ORC5: variants seen among roughly 807,000 people sequenced by gnomAD.
ORC5 encodes the protein origin recognition complex subunit 5, also known as protein phosphatase 1, regulatory subunit 117.
In ORC5, 39 loss-of-function variants were observed where a neutral mutation model predicts 58.8. That is an observed-to-expected ratio of 0.66 (90% CI 0.51 to 0.87). The LOEUF is 0.87. Ranked by LOEUF, ORC5 falls within the 40% of genes least tolerant of loss-of-function variation. The pLI is 0.00. For missense variants in ORC5, 493 were observed against 506.3 expected, an observed-to-expected ratio of 0.97 and a Z score of 0.25; for synonymous variants, 218 against 177.6, an observed-to-expected ratio of 1.23 and a Z score of -1.81.
chr7:104,168,166 G>A (rs1799139205), intron 9 of ORC5: 2 of 619,158 alleles, frequency 3.2e-6, no homozygotes, highest in Non-Finnish European at 4.4e-6. Context: ...AACATAATGA[G>A]ATAAAACTGT....
intron 6 of ORC5, among the ~76,000 whole-genome samples, chr7:104,186,394 A>G (rs7781808): frequency 0.044 from 6,774 of 152,230 alleles, 495 homozygotes; most frequent in African/African-American, 0.15. Context: ...CAATCCCCCA[A>G]GTATACCAAG....
chr7:104,184,705 G>C (rs1799507489), intron 6 of ORC5, among the ~76,000 whole-genome samples: 1 of 152,084 alleles, frequency 6.6e-6, no homozygotes, highest in Admixed American at 6.5e-5. Flanking sequence ...TTTTGTGAGG[G>C]AGATTTGCAT....
chr7:104,154,704 A>G (rs1562809640), intron 12 of ORC5, among the ~76,000 whole-genome samples: 1 of 151,946 alleles, frequency 6.6e-6, no homozygotes, highest in East Asian at 1.9e-4. Flanking sequence ...GAAAAAAAAT[A>G]AACACTGACT....
intron 13 of ORC5, among the ~76,000 whole-genome samples, chr7:104,131,153 G>A (rs1470037399): frequency 3.9e-5 from 6 of 152,014 alleles, no homozygotes; most frequent in Non-Finnish European, 8.8e-5. Flanking sequence ...ATTCCCCATG[G>A]CAGCTATTTC....
intron 13 of ORC5, among the ~76,000 whole-genome samples, chr7:104,128,775 G>A (rs194840): frequency 0.33 from 48,525 of 147,038 alleles, 8,685 homozygotes; most frequent in East Asian, 0.53. Context: ...TTTTAACCAC[G>A]GACAGAAAAG....
chr7:104,143,128 T>C (rs1798700930), intron 12 of ORC5, among the ~76,000 whole-genome samples: 1 of 152,064 alleles, frequency 6.6e-6, no homozygotes. Context: ...CATTGAACTC[T>C]ATTATTAAAG....
intron 8 of ORC5, among the ~76,000 whole-genome samples, chr7:104,183,124 A>T (rs765885161): frequency 6.6e-6 from 1 of 152,178 alleles, no homozygotes; most frequent in Non-Finnish European, 1.5e-5. Context: ...AACAAGAGCG[A>T]AACTACGTCT....
Position 104,180,531 on chromosome 7 carries a change from T to C in ORC5, c.824+3412A>G, listed in dbSNP as rs577083489. Among the ~76,000 whole-genome samples the C allele has an allele frequency of 7.5e-4, 114 of 152,274 alleles. 1 individual carries two copies. Among genetic ancestry groups the C allele is most frequent in the Non-Finnish European group, 1.1e-3 (76 of 68,020 alleles). ...GTTTTGATCAGGTGTTTTAAACCTT[T>C]TCACATCTTTGATAGACCTCCCTCC... On this transcript the variant is annotated intron_variant, in intron 8 of 13. Transcript: ENST00000297431.
intron 12 of ORC5, among the ~76,000 whole-genome samples, chr7:104,148,110 C>A (rs934361734): frequency 3.9e-5 from 6 of 152,096 alleles, no homozygotes; most frequent in Non-Finnish European, 7.4e-5. Flanking sequence ...GGCTCTGTGA[C>A]AGACATTGTG....
At chr7:104,177,666 C>CA (rs769611681) in intron 8 of ORC5, among the ~76,000 whole-genome samples, 24 of 152,076 alleles carry the variant, frequency 1.6e-4, no homozygotes, top group Non-Finnish European at 2.8e-4. Flanking sequence ...TTCGTCCCAT[C>CA]ATCTCAGTTT....
intron 12 of ORC5, 141 bp from the exon 13 acceptor site, chr7:104,137,034 G>C (rs1945505263): frequency 1.7e-6 from 1 of 598,134 alleles, no homozygotes; most frequent in African/African-American, 1.9e-5. Flanking sequence ...TTTGCAATCT[G>C]TAAATACAAA....
At chr7:104,169,833 C>T (rs1442365065) in intron 8 of ORC5, among the ~76,000 whole-genome samples, 2 of 152,076 alleles carry the variant, frequency 1.3e-5, no homozygotes, top group African/African-American at 4.8e-5. Flanking sequence ...TTGTAATATT[C>T]CTACCTTGTC....
At position 104,138,856 on chromosome 7, in the gene ORC5, G is replaced by A. The variant is rs572092961; in HGVS notation, c.1150-1963C>T. On this transcript the variant is annotated intron_variant, in intron 12 of 13. Transcript: ENST00000297431. This position sits in a 1 kb window ranked among gnomAD's most constrained non-coding sequence, Gnocchi z 4.7. The stretch of plus-strand genomic sequence containing the variant: ...TGATCGTGTACTCAGGAAAACACCA[G>A]AAGGATTATTAGTAAAAGCAAAAGT... 5.9e-5 allele frequency among the ~76,000 whole-genome samples: 9 copies of A among 152,256 alleles called. No homozygotes were observed. The East Asian group carries it at 1.7e-3, about 29-fold the overall frequency.
chr7:104,195,106 T>C (rs754697732), intron 5 of ORC5, 37 bp downstream of exon 5: 9 of 1,029,894 alleles, frequency 8.7e-6, no homozygotes, highest in Non-Finnish European at 1.3e-5. Context: ...ACTATTCTCC[T>C]GCATATCATT....
At chr7:104,155,894 A>G (rs997415831) in intron 12 of ORC5, among the ~76,000 whole-genome samples, 1 of 151,734 alleles carries the variant, frequency 6.6e-6, no homozygotes, top group East Asian at 1.9e-4. Context: ...TTTTAAGAAA[A>G]AAAGAATTAA....
intron 13 of ORC5, among the ~76,000 whole-genome samples, chr7:104,132,778 C>T (rs1169755093): frequency 6.6e-6 from 1 of 152,072 alleles, no homozygotes; most frequent in Non-Finnish European, 1.5e-5. Context: ...TTAAGTAAAA[C>T]TTGTTACATA....
intron 5 of ORC5, among the ~76,000 whole-genome samples, chr7:104,194,643 C>G (rs139176508): frequency 4.6e-5 from 7 of 151,922 alleles, no homozygotes; most frequent in Admixed American, 1.3e-4. Flanking sequence ...AAGATATAAG[C>G]GCAACATGGT....
intron 12 of ORC5, among the ~76,000 whole-genome samples, chr7:104,143,155 CTTTT>C (rs67881335): frequency 1.3e-5 from 2 of 151,246 alleles, no homozygotes; most frequent in African/African-American, 4.9e-5. Flanking sequence ...CCCCTTAGTA[CTTTT>C]TTTTTAATAC....
In ORC5 at chr7:104,200,963, A is replaced by C. The variant is rs1381868695; in HGVS notation, c.166-5T>G. On this transcript the variant is annotated splice_polypyrimidine_tract_variant and splice_region_variant and intron_variant, in intron 2 of 13. Coordinates refer to ENST00000297431, the MANE Select transcript of ORC5 (RefSeq NM_002553.4). ...ATTCACAAACACATGTGGGAGCTGAAAACGAAAACCAAAACACTGTAAGTA... is the reference window on the plus strand; with the variant it reads ...ATTCACAAACACATGTGGGAGCTGACAACGAAAACCAAAACACTGTAAGTA... The C allele has an allele frequency of 3.7e-6, 6 of 1,610,036 alleles. No individual in the cohort carries two copies. In the Admixed American group the frequency reaches 5.0e-5, roughly 13 times the overall value.
Sources: gnomAD v4.1 joint callset for allele counts (sites outside exome capture counted in the v4.1 genomes callset) on GRCh38, gnomAD v4.1.1 for gene constraint, Gnocchi (gnomAD v3.1) non-coding constraint, MANE v1.5 for transcripts, NCBI Gene and HGNC (gene_info 2026-07-23, HGNC 2026-07-21) for gene names.